Variants in GPD2 observed in about 807,000 individuals in gnomAD.
GPD2 encodes glycerol-3-phosphate dehydrogenase, mitochondrial.
A neutral mutation model predicts 82.4 loss-of-function variants in GPD2; 54 were observed. That is an observed-to-expected ratio of 0.66 (90% CI 0.53 to 0.82). GPD2 has a LOEUF of 0.82. Among genes scored for constraint, GPD2 ranks in the 40% least tolerant of loss-of-function variants. The pLI is 0.00. For missense variants in GPD2, 748 were observed against 896.2 expected, an observed-to-expected ratio of 0.83 and a Z score of 2.11; for synonymous variants, 288 against 306.1, an observed-to-expected ratio of 0.94 and a Z score of 0.62.
At chr2:156,464,641 T>C (rs1166699257) in intron 1 of GPD2, among the ~76,000 whole-genome samples, 1 of 152,168 alleles carries the variant, frequency 6.6e-6, no homozygotes, top group Non-Finnish European at 1.5e-5. Context: ...ATAATAGAGC[T>C]GTATTCAAAT....
the GPD2 span, among the ~76,000 whole-genome samples, chr2:156,416,289 G>T: frequency 1.3e-5 from 2 of 151,658 alleles, no homozygotes; most frequent in African/African-American, 4.8e-5. Flanking sequence ...AAGAGTAGAA[G>T]AAGGGAAGTC....
At chr2:156,440,110 T>C (rs1272567927) in intron 1 of GPD2, among the ~76,000 whole-genome samples, 1 of 152,214 alleles carries the variant, frequency 6.6e-6, no homozygotes, top group East Asian at 1.9e-4. Context: ...AATTCCATCA[T>C]GTCTTAAGAC....
intron 6 of GPD2, among the ~76,000 whole-genome samples, chr2:156,517,502 T>A (rs1299109262): frequency 6.6e-6 from 1 of 152,234 alleles, no homozygotes; most frequent in Non-Finnish European, 1.5e-5. Context: ...TTATATTCTG[T>A]TAGAGTAATC....
chr2:156,525,385 T>G (rs1685569370), intron 6 of GPD2, among the ~76,000 whole-genome samples: 1 of 152,186 alleles, frequency 6.6e-6, no homozygotes, highest in Non-Finnish European at 1.5e-5. Flanking sequence ...TTCCCTAGTT[T>G]TGGAAGCAGC....
In GPD2 at chr2:156,549,048, A is replaced by G. The variant is rs145143203; in HGVS notation, c.662-560A>G. On this transcript the variant is annotated intron_variant, in intron 6 of 16. Coordinates refer to ENST00000438166, the MANE Select transcript of GPD2 (RefSeq NM_000408.5). ...CTTAATTTCTTACCTTTTATGTGTG[A>G]TTAAAAAAAAGTTACATTTTAAGAA... Among the ~76,000 whole-genome samples the G allele has an allele frequency of 9.7e-3, 1,480 of 152,282 alleles. 25 individuals are homozygous for G. The highest frequency in any genetic ancestry group is 0.033 in the African/African-American group (1,386 of 41,558).
At chr2:156,421,848 A>G in the GPD2 span, among the ~76,000 whole-genome samples, 5 of 152,190 alleles carry the variant, frequency 3.3e-5, no homozygotes, top group African/African-American at 4.8e-5. Context: ...TATTTAAGTC[A>G]GGTGCAGGGG....
intron 3 of GPD2, among the ~76,000 whole-genome samples, chr2:156,499,911 A>G (rs1012082176): frequency 2.0e-5 from 3 of 151,990 alleles, no homozygotes; most frequent in Non-Finnish European, 1.5e-5. Context: ...ATTTCAAGGA[A>G]CAACTTAGCA....
chr2:156,459,579 T>C (rs1418094430), intron 1 of GPD2, among the ~76,000 whole-genome samples: 1 of 147,984 alleles, frequency 6.8e-6, no homozygotes, highest in Non-Finnish European at 1.5e-5. Flanking sequence ...TCCCAGCTAT[T>C]TGGGAGCCTG....
At chr2:156,437,902 G>T (rs1682009012) in intron 1 of GPD2, among the ~76,000 whole-genome samples, 1 of 152,080 alleles carries the variant, frequency 6.6e-6, no homozygotes, top group African/African-American at 2.4e-5. Flanking sequence ...TATTTTAAAA[G>T]ATTTGATGAT....
the GPD2 span, among the ~76,000 whole-genome samples, chr2:156,419,022 T>C: frequency 6.6e-6 from 1 of 150,430 alleles, no homozygotes; most frequent in Non-Finnish European, 1.5e-5. Flanking sequence ...CAACTTGCCA[T>C]ATTTCGGGAT....
At chr2:156,454,699 G>T (rs1359899940) in intron 1 of GPD2, among the ~76,000 whole-genome samples, 2 of 152,112 alleles carry the variant, frequency 1.3e-5, no homozygotes, top group Non-Finnish European at 2.9e-5. Context: ...AGAGTGGGAG[G>T]GAGGGAGGCC....
chr2:156,515,138 T>G (rs1451752298), intron 6 of GPD2, among the ~76,000 whole-genome samples: 12 of 152,132 alleles, frequency 7.9e-5, no homozygotes, highest in Admixed American at 7.9e-4. Flanking sequence ...GTGGGCTGGG[T>G]ATGTTGGTTC....
chr2:156,475,223 G>C (rs866747009), intron 1 of GPD2, among the ~76,000 whole-genome samples: 1 of 152,208 alleles, frequency 6.6e-6, no homozygotes, highest in South Asian at 2.1e-4. Context: ...CTGGCTAGAA[G>C]AAAACTTTTT....
chr2:156,507,758 G>A (rs549185840), intron 3 of GPD2, among the ~76,000 whole-genome samples: 1 of 152,296 alleles, frequency 6.6e-6, no homozygotes, highest in African/African-American at 2.4e-5. Context: ...AACAGGACAA[G>A]ATCCAAATAC....
intron 16 of GPD2, among the ~76,000 whole-genome samples, chr2:156,580,112 C>T (rs1687976769): frequency 6.6e-6 from 1 of 152,076 alleles, no homozygotes; most frequent in African/African-American, 2.4e-5. Context: ...AATGCTGGAC[C>T]TTTTTCTTTT....
the GPD2 span, among the ~76,000 whole-genome samples, chr2:156,410,403 G>T: frequency 1.4e-4 from 22 of 152,118 alleles, no homozygotes; most frequent in African/African-American, 5.1e-4. Context: ...CCTCAGAGAG[G>T]CAATAACATA....
chr2:156,416,522 T>G, the GPD2 span, among the ~76,000 whole-genome samples: 1 of 150,698 alleles, frequency 6.6e-6, no homozygotes, highest in Non-Finnish European at 1.5e-5. Context: ...TAGTTTTTTT[T>G]TTTTTTTTTT....
the GPD2 span, among the ~76,000 whole-genome samples, chr2:156,401,192 G>A: frequency 6.6e-6 from 1 of 152,166 alleles, no homozygotes; most frequent in Admixed American, 6.5e-5. Context: ...TGGCAGGCGA[G>A]AATTCTACCA....
intron 6 of GPD2, among the ~76,000 whole-genome samples, chr2:156,531,896 T>C (rs961883568): frequency 1.1e-4 from 17 of 152,192 alleles, no homozygotes; most frequent in African/African-American, 4.1e-4. Flanking sequence ...TTGTCACTTC[T>C]CAGGCCCCTG....
Sources: allele counts gnomAD v4.1 joint callset (sites outside exome capture counted in the v4.1 genomes callset), GRCh38; gene constraint gnomAD v4.1.1; transcripts MANE v1.5; gene names NCBI Gene and HGNC (gene_info 2026-07-23, HGNC 2026-07-21).